The following OPRM1 variants were observed in gnomAD, a reference collection of about 807,000 sequenced individuals.
OPRM1 encodes the protein opioid receptor mu 1.
Under a neutral mutation model 31.8 loss-of-function variants are expected in OPRM1, and 27 were observed. The observed-to-expected ratio is 0.85, with a 90% CI of 0.63 to 1.17. The LOEUF is 1.17. Ranked by LOEUF, OPRM1 falls within the 50% of genes most tolerant of loss-of-function variation. OPRM1 has a pLI of 0.00. For missense variants in OPRM1, 536 were observed against 511.1 expected (o/e 1.05, Z -0.47); for synonymous variants, 196 against 189.9 (o/e 1.03, Z -0.26).
chr6:154,210,491 C>T (rs1356962836), intron 3 of OPRM1, among the ~76,000 whole-genome samples: 2 of 152,034 alleles, frequency 1.3e-5, no homozygotes, highest in African/African-American at 4.8e-5. Context: ...AAATCAACAA[C>T]AAGGAACATT....
intron 1 of OPRM1, among the ~76,000 whole-genome samples, chr6:154,083,943 CAAA>C (rs57976654): frequency 3.4e-4 from 12 of 35,148 alleles, no homozygotes; most frequent in South Asian, 1.4e-3. Flanking sequence ...GACTCCGTCT[CAAA>C]AAAAAAAAAA....
intron 1 of OPRM1, among the ~76,000 whole-genome samples, chr6:154,052,070 C>G (rs954562574): frequency 6.6e-6 from 1 of 152,074 alleles, no homozygotes; most frequent in Non-Finnish European, 1.5e-5. Flanking sequence ...AGCAAGCTGA[C>G]ACAGGAACAG....
chr6:154,166,822 T>A (rs1378665414), intron 3 of OPRM1, among the ~76,000 whole-genome samples: 1 of 152,172 alleles, frequency 6.6e-6, no homozygotes, highest in African/African-American at 2.4e-5. Context: ...CATTGAATAA[T>A]CAAATATATT....
At chr6:154,146,330 T>G (rs7743707) in intron 3 of OPRM1, among the ~76,000 whole-genome samples, 119,151 of 152,164 alleles carry the variant, frequency 0.78, 47,453 homozygotes, top group East Asian at 0.95. Context: ...AACCTGGGAG[T>G]CGGAGGTTGC....
At chr6:154,148,354 C>T (rs1798410394) in intron 3 of OPRM1, among the ~76,000 whole-genome samples, 1 of 152,218 alleles carries the variant, frequency 6.6e-6, no homozygotes, top group Non-Finnish European at 1.5e-5. Flanking sequence ...ATGTCCAAAA[C>T]ATGATACCTT....
intron 1 of OPRM1, among the ~76,000 whole-genome samples, chr6:154,049,067 G>A (rs1252553533): frequency 5.9e-5 from 9 of 152,128 alleles, no homozygotes; most frequent in Non-Finnish European, 1.0e-4. Context: ...CTTGTTTTAT[G>A]TGTGTTTCTG....
chr6:154,054,390 A>AG (rs200253534), intron 1 of OPRM1, among the ~76,000 whole-genome samples: 8,445 of 135,388 alleles, frequency 0.062, 412 homozygotes, highest in Non-Finnish European at 0.09. Flanking sequence ...AAAAAAAAAA[A>AG]GGAAACCCGC....
intron 3 of OPRM1, among the ~76,000 whole-genome samples, chr6:154,223,882 T>C (rs1213745255): frequency 2.0e-5 from 3 of 152,234 alleles, no homozygotes; most frequent in African/African-American, 7.2e-5. Flanking sequence ...CTGGGAATTC[T>C]TTCTACAAAG....
rs1280372606 is a variant in OPRM1, at chr6:154,118,671, C to T, written c.1165-12C>T. 3 of 1,612,778 alleles carry T rather than the reference C, an allele frequency of 1.9e-6. No individual in the cohort carries two copies. The highest frequency in any genetic ancestry group is 3.3e-5 in the Admixed American group (2 of 59,974). ...GAAATGTTCACTGTCTTTGCTCTTT[C>T]TCTCCTTTCAGCTAGAAAATCTGGA... On this transcript the variant is annotated splice_polypyrimidine_tract_variant and intron_variant, in intron 3 of 3. Coordinates refer to ENST00000330432, the MANE Select transcript of OPRM1 (RefSeq NM_000914.5).
intron 3 of OPRM1, among the ~76,000 whole-genome samples, chr6:154,170,013 TC>T (rs1297953196): frequency 6.6e-6 from 1 of 152,198 alleles, no homozygotes; most frequent in Non-Finnish European, 1.5e-5. Context: ...GTTGGAGCCC[TC>T]TCAGCCTGTG....
At chr6:154,214,221 C>T (rs1430623622) in intron 3 of OPRM1, 2 of 1,598,674 alleles carry the variant, frequency 1.3e-6, no homozygotes, top group East Asian at 2.2e-5. Flanking sequence ...AACATACCTT[C>T]ATCCTTTGTA....
intron 3 of OPRM1, among the ~76,000 whole-genome samples, chr6:154,243,056 T>C (rs1194229698): frequency 6.6e-6 from 1 of 152,098 alleles, no homozygotes; most frequent in East Asian, 1.9e-4. Flanking sequence ...CTTCAGGGCA[T>C]GGAGACAGAG....
intron 1 of OPRM1, among the ~76,000 whole-genome samples, chr6:154,057,259 A>C (rs1783494254): frequency 6.6e-6 from 1 of 152,214 alleles, no homozygotes. Context: ...CACTATGTAC[A>C]AAGCACTCTC....
At chr6:154,161,961 C>A (rs535760317) in intron 3 of OPRM1, among the ~76,000 whole-genome samples, 1 of 152,206 alleles carries the variant, frequency 6.6e-6, no homozygotes. Flanking sequence ...CTTCTCATCT[C>A]AAACCCCCTC....
Position 154,107,746 on chromosome 6 carries a change from A to G in OPRM1, c.1165-10937A>G, listed in dbSNP as rs115854517. The G allele has an allele frequency of 3.4e-3, 2,447 of 718,480 alleles. 45 individuals are homozygous for G. The African/African-American group carries it at 0.038, about 11-fold the overall frequency. 44.5% of individuals were successfully genotyped at this position (718,480 alleles called of 1,614,324 possible). Reference sequence around the variant, plus strand: ...TTCATCCAGTTTTTTTGTTGGTTTCAGGGACCTCCAGCCAAGTTTGTTGCT... The same window carrying G: ...TTCATCCAGTTTTTTTGTTGGTTTCGGGGACCTCCAGCCAAGTTTGTTGCT... On this transcript the variant is annotated intron_variant, in intron 3 of 3. Coordinates refer to ENST00000330432, the MANE Select transcript of OPRM1 (RefSeq NM_000914.5).
intron 1 of OPRM1, among the ~76,000 whole-genome samples, chr6:154,013,969 G>A (rs1777867654): frequency 1.3e-5 from 2 of 152,086 alleles, no homozygotes; most frequent in African/African-American, 4.8e-5. Context: ...GTCATCCTAC[G>A]CATTGAGAGA....
chr6:154,227,241 A>T (rs1779326326), intron 3 of OPRM1, among the ~76,000 whole-genome samples: 1 of 151,894 alleles, frequency 6.6e-6, no homozygotes, highest in Non-Finnish European at 1.5e-5. Context: ...ATAAAATAAT[A>T]AAAAAATAAA....
intron 3 of OPRM1, among the ~76,000 whole-genome samples, chr6:154,102,404 ATAT>A (rs1260947754): frequency 1.3e-5 from 2 of 152,296 alleles, no homozygotes; most frequent in South Asian, 2.1e-4. Flanking sequence ...CAACTGGCTA[ATAT>A]TATTACTCCA....
chr6:154,018,445 A>T (rs1029200470), intron 1 of OPRM1, among the ~76,000 whole-genome samples: 7 of 151,950 alleles, frequency 4.6e-5, no homozygotes, highest in Non-Finnish European at 7.4e-5. Flanking sequence ...AACAAAAAGA[A>T]GAAAATATAC....
Sources: allele counts gnomAD v4.1 joint callset (sites outside exome capture counted in the v4.1 genomes callset), GRCh38; gene constraint gnomAD v4.1.1; transcripts MANE v1.5; gene names NCBI Gene and HGNC (gene_info 2026-07-23, HGNC 2026-07-21).